Variants in CD2AP observed in about 807,000 individuals in gnomAD.
The protein encoded by CD2AP is CD2-associated protein.
In CD2AP, 46 loss-of-function variants were observed where a neutral mutation model predicts 85.1. That is an observed-to-expected ratio of 0.54 (90% CI 0.43 to 0.69). The LOEUF is 0.69. CD2AP is among the 30% of genes least tolerant of loss of function. CD2AP has a pLI of 0.00. For synonymous variants in CD2AP, 255 were observed against 252.9 expected, an observed-to-expected ratio of 1.01 and a Z score of -0.08; for missense variants, 769 against 729.5, an observed-to-expected ratio of 1.05 and a Z score of -0.62.
chr6:47,534,803 C>CT (rs34533492), intron 3 of CD2AP, among the ~76,000 whole-genome samples: 37,121 of 146,204 alleles, frequency 0.25, 5,178 homozygotes, highest in East Asian at 0.6. Context: ...AGATTGAATA[C>CT]TTTTTTTTTT....
rs1360785749 is a variant in CD2AP at position 47,626,090 on chromosome 6, G to T, written c.*1863G>T. 1 of 151,798 alleles carries T rather than the reference G, an allele frequency of 6.6e-6. No homozygotes were observed. The highest frequency in any genetic ancestry group is 2.4e-5 in the African/African-American group (1 of 41,368). The allele number at this position is 151,798 out of a possible 1,614,324, so 9.4% of individuals were successfully genotyped here. ...CTGAAAATCTATTGAAGTGATCCCT[G>T]GTCATCCTAATAATGGGATGAGGGA... On this transcript the variant is annotated 3_prime_UTR_variant, in exon 18 of 18. Transcript: ENST00000359314.
chr6:47,605,357 C>CT (rs959506266), intron 13 of CD2AP, among the ~76,000 whole-genome samples: 2 of 151,936 alleles, frequency 1.3e-5, no homozygotes, highest in African/African-American at 4.8e-5. Context: ...TTTAGCAAGA[C>CT]TTTCTGAATC....
At chr6:47,573,554 T>A (rs1768214882) in intron 5 of CD2AP, among the ~76,000 whole-genome samples, 1 of 147,500 alleles carries the variant, frequency 6.8e-6, no homozygotes. Flanking sequence ...AGTGGCGTGA[T>A]CTTGGCTCAC....
chr6:47,619,706 G>C (rs748991283), intron 17 of CD2AP, among the ~76,000 whole-genome samples: 2 of 152,146 alleles, frequency 1.3e-5, no homozygotes, highest in Non-Finnish European at 2.9e-5. Flanking sequence ...AGTGTTCCCT[G>C]ATCACCTCAT....
At chr6:47,611,069 GTT>G (rs758611676) in intron 16 of CD2AP, among the ~76,000 whole-genome samples, 4 of 134,782 alleles carry the variant, frequency 3.0e-5, no homozygotes, top group African/African-American at 2.7e-5. Flanking sequence ...TGAATGGCAG[GTT>G]TTTTTTTTTT....
At chr6:47,525,176 TAGTC>T (rs1288232995) in intron 2 of CD2AP, among the ~76,000 whole-genome samples, 1 of 152,118 alleles carries the variant, frequency 6.6e-6, no homozygotes, top group Admixed American at 6.5e-5. Context: ...AGCCTAAAAT[TAGTC>T]AGAGCTAAAA....
At chr6:47,514,266 A>G (rs1199495309) in intron 2 of CD2AP, among the ~76,000 whole-genome samples, 1 of 152,110 alleles carries the variant, frequency 6.6e-6, no homozygotes, top group African/African-American at 2.4e-5. Context: ...TGAATAGTCT[A>G]CTTCATTGAT....
chr6:47,530,904 G>A (rs889583403), intron 2 of CD2AP, among the ~76,000 whole-genome samples: 1 of 152,122 alleles, frequency 6.6e-6, no homozygotes, highest in Non-Finnish European at 1.5e-5. Context: ...TATATTGCCA[G>A]AACTTATTTA....
intron 3 of CD2AP, among the ~76,000 whole-genome samples, chr6:47,541,270 C>CCCA (rs1156685871): frequency 6.6e-6 from 1 of 152,098 alleles, no homozygotes; most frequent in Non-Finnish European, 1.5e-5. Context: ...ACTACAGGCA[C>CCCA]CCACCACCAC....
In CD2AP at chr6:47,583,541, G is replaced by A. The variant is rs777636337; in HGVS notation, c.1108+1476G>A. Among the ~76,000 whole-genome samples, 4 of 152,112 alleles carry A rather than the reference G, an allele frequency of 2.6e-5. No individual in the cohort carries two copies. In the South Asian group the frequency reaches 6.2e-4, roughly 24 times the overall value. ...CAGCACGTAGCCTTTTCAAATTGGCGTCTTTCACTTAATTATATGCCTTTA... is the reference window on the plus strand; with the variant it reads ...CAGCACGTAGCCTTTTCAAATTGGCATCTTTCACTTAATTATATGCCTTTA... On this transcript the variant is annotated intron_variant, in intron 11 of 17. Coordinates refer to ENST00000359314, the MANE Select transcript of CD2AP (RefSeq NM_012120.3).
rs1765349966 is a variant in CD2AP, at chr6:47,478,121, A to T, written c.-124A>T. ...TGGAGGCGACTCTTCGCCCCGCCTG[A>T]GCTCAGGAGGGGCTAGCGCGGAGCG... On this transcript the variant is annotated 5_prime_UTR_variant, in exon 1 of 18. It removes the in-frame stop codon of an upstream open reading frame in the 5' UTR. Transcript: ENST00000359314. 1 of 1,276,154 alleles carries T rather than the reference A, an allele frequency of 7.8e-7. No individual in the cohort carries two copies. The highest frequency in any genetic ancestry group is 1.1e-6 in the Non-Finnish European group (1 of 901,080). The allele number at this position is 1,276,154 out of a possible 1,614,324, so 79.1% of individuals were successfully genotyped here.
At chr6:47,622,989 C>T (rs1302590533) in intron 17 of CD2AP, among the ~76,000 whole-genome samples, 2 of 152,126 alleles carry the variant, frequency 1.3e-5, no homozygotes, top group East Asian at 1.9e-4. Context: ...TTTTTCTTAC[C>T]GCTTTCTGTA....
chr6:47,562,889 A>T, intron 5 of CD2AP: 1 of 724,626 alleles, frequency 1.4e-6, no homozygotes, highest in Non-Finnish European at 2.5e-6. Context: ...GGGAATGGGT[A>T]GGCCTCTGTA....
At position 47,593,413 on chromosome 6, in the gene CD2AP, G is replaced by T. The variant is rs1384668637; in HGVS notation, c.1109-2448G>T. ...CAAACCTGTTTAAAACTGCAGCACA[G>T]GCTGAAATAGGTATTTATCTAAAGG... is the stretch of plus-strand genomic sequence containing the variant. On this transcript the variant is annotated intron_variant, in intron 11 of 17. Transcript: ENST00000359314. Among the ~76,000 whole-genome samples, 4 of 152,116 alleles carry T rather than the reference G, an allele frequency of 2.6e-5. No homozygotes were observed. The East Asian group carries it at 5.8e-4, about 22-fold the overall frequency.
intron 17 of CD2AP, among the ~76,000 whole-genome samples, chr6:47,618,208 T>C (rs1319480550): frequency 6.6e-6 from 1 of 152,076 alleles, no homozygotes; most frequent in African/African-American, 2.4e-5. Context: ...TAATCCCAGC[T>C]ACTAGAGAGG....
chr6:47,526,475 T>C (rs1766731468), intron 2 of CD2AP, among the ~76,000 whole-genome samples: 1 of 152,202 alleles, frequency 6.6e-6, no homozygotes. Flanking sequence ...TTTAAGTTGC[T>C]TTCCCCCTTT....
At chr6:47,576,763 T>C (rs1768324464) in intron 7 of CD2AP, among the ~76,000 whole-genome samples, 161 bp downstream of exon 7, 1 of 152,218 alleles carries the variant, frequency 6.6e-6, no homozygotes, top group South Asian at 2.1e-4. Context: ...CTTTGTTGGT[T>C]GATGGATGTA....
At chr6:47,607,470 A>C (rs1001088081) in intron 14 of CD2AP, among the ~76,000 whole-genome samples, 1 of 152,002 alleles carries the variant, frequency 6.6e-6, no homozygotes, top group Non-Finnish European at 1.5e-5. Context: ...ATTTGCTATT[A>C]CCTATCTTTT....
intron 2 of CD2AP, among the ~76,000 whole-genome samples, chr6:47,533,127 G>T (rs938220628): frequency 2.0e-5 from 3 of 152,142 alleles, no homozygotes; most frequent in Non-Finnish European, 4.4e-5. Flanking sequence ...GAATTTTAGT[G>T]TCTATAAATA....
Sources: gnomAD v4.1 joint callset for allele counts (sites outside exome capture counted in the v4.1 genomes callset) on GRCh38, gnomAD v4.1.1 for gene constraint, MANE v1.5 for transcripts, NCBI Gene and HGNC (gene_info 2026-07-23, HGNC 2026-07-21) for gene names.